Variants in TEC observed in about 807,000 individuals in gnomAD.
TEC encodes tec protein tyrosine kinase, also known as tyrosine-protein kinase Tec.
Under a neutral mutation model 93.0 loss-of-function variants are expected in TEC, and 72 were observed. The observed-to-expected ratio is 0.77, with a 90% CI of 0.64 to 0.94. The LOEUF (loss-of-function observed/expected upper bound fraction) is 0.94. TEC is among the 40% of genes least tolerant of loss of function. TEC has a pLI of 0.00. For missense variants in TEC, 630 were observed against 757.9 expected, an observed-to-expected ratio of 0.83 and a Z score of 1.98; for synonymous variants, 249 against 247.7, an observed-to-expected ratio of 1.01 and a Z score of -0.05.
At chr4:48,173,359 T>C (rs1721192018) in intron 3 of TEC, among the ~76,000 whole-genome samples, 1 of 152,258 alleles carries the variant, frequency 6.6e-6, no homozygotes, top group African/African-American at 2.4e-5. Flanking sequence ...TAGCTTGATA[T>C]ATTACCTAGC....
intron 1 of TEC, among the ~76,000 whole-genome samples, chr4:48,244,168 C>T (rs1050692980): frequency 1.2e-3 from 189 of 152,232 alleles, no homozygotes; most frequent in African/African-American, 4.3e-3. Context: ...CATTTTAATA[C>T]TCCTTCCTCT....
intron 1 of TEC, among the ~76,000 whole-genome samples, chr4:48,264,783 C>T (rs1254954285): frequency 6.6e-6 from 1 of 151,986 alleles, no homozygotes; most frequent in Non-Finnish European, 1.5e-5. Flanking sequence ...ATTACAGGCA[C>T]ACGCCACCAC....
chr4:48,149,536 A>G, intron 11 of TEC, 21 bp downstream of exon 11: 1 of 1,573,036 alleles, frequency 6.4e-7, no homozygotes, highest in Non-Finnish European at 8.6e-7. Context: ...TATTTGAAGT[A>G]GGTTTTCACA....
intron 1 of TEC, among the ~76,000 whole-genome samples, chr4:48,241,662 G>A (rs1577666404): frequency 6.6e-6 from 1 of 152,150 alleles, no homozygotes; most frequent in South Asian, 2.1e-4. Flanking sequence ...TCATGAGGGT[G>A]ATAAAATGGT....
chr4:48,256,104 T>A (rs915116173), intron 1 of TEC, among the ~76,000 whole-genome samples: 187 of 152,270 alleles, frequency 1.2e-3, no homozygotes, highest in African/African-American at 4.3e-3. Flanking sequence ...CCATGAAGAA[T>A]GACTATGGCT....
chr4:48,204,159 G>A (rs1330550742), intron 2 of TEC, among the ~76,000 whole-genome samples: 2 of 152,312 alleles, frequency 1.3e-5, no homozygotes, highest in African/African-American at 4.8e-5. Context: ...TGAATCTGGG[G>A]AGGGTCCCAT....
intron 2 of TEC, among the ~76,000 whole-genome samples, chr4:48,190,138 G>GT (rs540088578): frequency 6.6e-6 from 1 of 152,206 alleles, no homozygotes; most frequent in African/African-American, 2.4e-5. Context: ...ATTCTAGTGA[G>GT]TATGTATGCT....
chr4:48,181,836 G>A (rs1039892481), intron 2 of TEC, among the ~76,000 whole-genome samples: 7 of 152,080 alleles, frequency 4.6e-5, no homozygotes, highest in African/African-American at 1.7e-4. Flanking sequence ...TTTCCACAGT[G>A]GGGCCCTTTA....
Position 48,171,436 on chromosome 4 carries a change from G to T in TEC, c.257C>A (p.Ala86Asp), listed in dbSNP as rs75574368. 2 of 1,613,284 alleles carry T rather than the reference G, an allele frequency of 1.2e-6. No homozygotes were observed. Among genetic ancestry groups the T allele is most frequent in the African/African-American group, 2.7e-5 (2 of 74,906 alleles). The stretch of plus-strand genomic sequence containing the variant: ...AGGTGCAAAAATGTAAAGTGTGTTA[G>T]CATCATGAACAACCTAAAATAAAAC... ...NKYPFQVVHD[A>D]NTLYIFAPSP... The change falls in exon 4 of 18, where the codon GCT becomes GAT. Residue 86 changes from alanine to aspartate, a missense_variant. Coordinates refer to ENST00000381501, the MANE Select transcript of TEC (RefSeq NM_003215.3).
chr4:48,218,538 A>G (rs1176707439), intron 2 of TEC, among the ~76,000 whole-genome samples: 1 of 152,200 alleles, frequency 6.6e-6, no homozygotes, highest in Non-Finnish European at 1.5e-5. Context: ...TTCTTTTCCC[A>G]TTCCACACCA....
At chr4:48,148,750 G>A (rs867763609) in intron 11 of TEC, among the ~76,000 whole-genome samples, 36 of 152,256 alleles carry the variant, frequency 2.4e-4, no homozygotes, top group Admixed American at 9.8e-4. Context: ...GGGGTCTGTT[G>A]TACAGATTAT....
rs1260702660 is a variant in TEC at position 48,150,872 on chromosome 4, T to C, written c.863A>G (p.Lys288Arg). The C allele has an allele frequency of 6.5e-7, 1 of 1,532,058 alleles. No homozygotes were observed. Among genetic ancestry groups the C allele is most frequent in the Non-Finnish European group, 8.8e-7 (1 of 1,141,768 alleles). The allele number at this position is 1,532,058 out of a possible 1,614,324, so 94.9% of individuals were successfully genotyped here. ...TGGCAGGATTACTCACCCTCCAAAC[T>C]TGGTATAAAGGGAGACTGTGTACAA... ...PGLYTVSLYTKFGGEGSSGFR... is the reference protein window; with the variant it reads ...PGLYTVSLYTRFGGEGSSGFR... The change falls in exon 10 of 18, where the codon AAG (lysine) becomes AGG (arginine). Residue 288 changes from lysine to arginine, a missense_variant. This residue lies in a region of TEC where 335 missense variants were observed against 351.5 expected (regional missense o/e 0.95). Coordinates refer to ENST00000381501, the MANE Select transcript of TEC (RefSeq NM_003215.3).
rs1343381469 is a variant in TEC, at chr4:48,145,389, A to T, written c.1253+19T>A. ...TTCTTAATACAAAAAGATGAGCCAG[A>T]AAGATGATAGCAACTTACATCATCA... is the stretch of plus-strand genomic sequence containing the variant. On this transcript the variant is annotated intron_variant, in intron 13 of 17. Coordinates refer to ENST00000381501, the MANE Select transcript of TEC (RefSeq NM_003215.3). 6.2e-7 allele frequency: 1 copy of T among 1,613,522 alleles called. No homozygotes were observed. The highest frequency in any genetic ancestry group is 2.2e-5 in the East Asian group (1 of 44,882).
Position 48,145,176 on chromosome 4 carries a change from T to C in TEC, c.1373A>G (p.Gln458Arg). The C allele has an allele frequency of 3.1e-6, 5 of 1,614,160 alleles. No homozygotes were observed. The highest frequency in any genetic ancestry group is 4.2e-6 in the Non-Finnish European group (5 of 1,180,032). The change falls in exon 14 of 18, where the codon CAA becomes CGA. Residue 458 changes from glutamine to arginine, a missense_variant. Gln to Arg is a conservative substitution (Grantham distance 43). Transcript: ENST00000381501. ...GCLLNFLRQR[Q>R]GHFSRDVLLS... ...CAGTACGTCTCTACTGAAATGACCT[T>C]GTCTCTGTCGGAGGAAATTCAGAAG... is the stretch of plus-strand genomic sequence containing the variant.
rs776146242 is a variant in TEC, at chr4:48,171,422, T to C, written c.271A>G (p.Ile91Val). The part of the protein sequence containing the change: ...QVVHDANTLY[I>V]FAPSPQSRDL... ...CTGCTTTGTGGACTAGGTGCAAAAA[T>C]GTAAAGTGTGTTAGCATCATGAACA... is the stretch of plus-strand genomic sequence containing the variant. The change falls in exon 4 of 18, where the codon ATT becomes GTT. Residue 91 changes from isoleucine to valine, a missense_variant. Around this residue, in one of 3 missense-constraint regions of TEC, gnomAD observed 335 missense variants for 351.5 expected, o/e 0.95. Transcript: ENST00000381501. The C allele has an allele frequency of 1.2e-6, 2 of 1,613,664 alleles. No homozygotes were observed. Among genetic ancestry groups the C allele is most frequent in the Non-Finnish European group, 1.7e-6 (2 of 1,179,878 alleles).
intron 1 of TEC, among the ~76,000 whole-genome samples, chr4:48,245,056 A>C (rs1724017079): frequency 6.6e-6 from 1 of 152,198 alleles, no homozygotes. Flanking sequence ...GCACTTCCGG[A>C]GGCCGAGGCG....
At chr4:48,176,254 A>G (rs1255089432) in intron 2 of TEC, 68 bp from the exon 3 acceptor site, 2 of 1,260,490 alleles carry the variant, frequency 1.6e-6, no homozygotes, top group African/African-American at 1.5e-5. Flanking sequence ...TAATATTGTT[A>G]AGGAAATTTT....
intron 1 of TEC, among the ~76,000 whole-genome samples, chr4:48,242,579 A>C (rs570227018): frequency 9.2e-5 from 14 of 152,314 alleles, no homozygotes; most frequent in Non-Finnish European, 1.9e-4. Flanking sequence ...TTGTATATTC[A>C]TTTGCATCTT....
At position 48,215,068 on chromosome 4, in the gene TEC, G is replaced by A. The variant is rs1335316651; in HGVS notation, c.138+13409C>T. ...CGTGGGAGGCTGAGGCAGGAGAATC[G>A]CTTGAACCCGGGAGGCGGAGGTTGC... is the stretch of plus-strand genomic sequence containing the variant. On this transcript the variant is annotated intron_variant, in intron 2 of 17. Transcript: ENST00000381501. Among the ~76,000 whole-genome samples the A allele has an allele frequency of 4.0e-5, 6 of 149,604 alleles. No individual in the cohort carries two copies. The South Asian group carries it at 6.4e-4, about 16-fold the overall frequency.
Sources: gnomAD v4.1 joint callset for allele counts (sites outside exome capture counted in the v4.1 genomes callset) on GRCh38, gnomAD v4.1.1 for gene constraint, gnomAD v4.1.1 regional missense constraint, MANE v1.5 for transcripts, NCBI Gene and HGNC (gene_info 2026-07-23, HGNC 2026-07-21) for gene names.